PHACTR1: variants seen among roughly 807,000 people sequenced by gnomAD.
The protein encoded by PHACTR1 is phosphatase and actin regulator 1, also known as RPEL repeat containing 1.
Under a neutral mutation model 69.2 loss-of-function variants are expected in PHACTR1, and 16 were observed. The ratio of observed to expected loss-of-function variants is 0.23; its 90% CI spans 0.16 to 0.35. The LOEUF (loss-of-function observed/expected upper bound fraction) is 0.35, where lower values mean the gene tolerates loss of function less well. Ranked by LOEUF, PHACTR1 falls within the 10% of genes least tolerant of loss-of-function variation. The pLI is 1.00. For missense variants in PHACTR1, 510 were observed against 734.7 expected, an observed-to-expected ratio of 0.69 and a Z score of 3.54; for synonymous variants, 312 against 284.5, an observed-to-expected ratio of 1.10 and a Z score of -0.97.
chr6:13,149,753 G>C (rs539543173), intron 5 of PHACTR1, among the ~76,000 whole-genome samples: 1 of 152,100 alleles, frequency 6.6e-6, no homozygotes, highest in East Asian at 1.9e-4. Context: ...TGGGCCACAT[G>C]CAGCCCAAGA....
intron 6 of PHACTR1, among the ~76,000 whole-genome samples, chr6:13,164,209 TATC>T (rs1583665475): frequency 6.6e-6 from 1 of 152,180 alleles, no homozygotes; most frequent in Non-Finnish European, 1.5e-5. Context: ...CTTTCTATAA[TATC>T]ATTCTTTTTC....
intron 5 of PHACTR1, among the ~76,000 whole-genome samples, chr6:13,060,556 T>A (rs1238087048): frequency 6.6e-6 from 1 of 152,116 alleles, no homozygotes; most frequent in East Asian, 1.9e-4. Flanking sequence ...GTAGGTGGGT[T>A]ACAAGGCACA....
rs149537566 is a variant in PHACTR1 at position 12,875,981 on chromosome 6, C to G, written c.250+126191C>G. Among the ~76,000 whole-genome samples the G allele has an allele frequency of 5.0e-3, 755 of 152,240 alleles. 2 individuals carry two copies. Among genetic ancestry groups the G allele is most frequent in the African/African-American group, 0.017 (723 of 41,548 alleles). ...AATAAAGCTAAGGAGGTTAGGAACA[C>G]GAATGGGAAGATGGGGACACTATAA... is the stretch of plus-strand genomic sequence containing the variant. On this transcript the variant is annotated intron_variant, in intron 4 of 14. Coordinates refer to ENST00000332995, the MANE Select transcript of PHACTR1 (RefSeq NM_030948.6).
intron 4 of PHACTR1, among the ~76,000 whole-genome samples, chr6:13,025,693 GTGTGTGTGTGTGTGTGTC>G (rs1304552054): frequency 6.6e-6 from 1 of 151,786 alleles, no homozygotes; most frequent in Non-Finnish European, 1.5e-5. Context: ...GTGTGTGTGT[GTGTGTGTGTGTGTGTGTC>G]TGTGTGTATG....
At chr6:12,993,145 G>GT (rs1351717348) in intron 4 of PHACTR1, among the ~76,000 whole-genome samples, 6 of 152,130 alleles carry the variant, frequency 3.9e-5, no homozygotes, top group Admixed American at 6.5e-5. Flanking sequence ...TTTTCAGGCC[G>GT]TTTTTTGTTA....
intron 8 of PHACTR1, among the ~76,000 whole-genome samples, chr6:13,222,556 G>C (rs1464689901): frequency 6.6e-6 from 1 of 152,226 alleles, no homozygotes; most frequent in African/African-American, 2.4e-5. Context: ...TTCAGCGAAT[G>C]CTGCAGATTC....
At chr6:12,775,521 T>C (rs6941422) in intron 4 of PHACTR1, among the ~76,000 whole-genome samples, 67,025 of 151,976 alleles carry the variant, frequency 0.44, 15,556 homozygotes, top group African/African-American at 0.55. Context: ...AAAGGCTAAT[T>C]CTGGGGTATT....
chr6:13,094,502 AGCCAG>A (rs1160681919), intron 5 of PHACTR1, among the ~76,000 whole-genome samples: 1 of 151,728 alleles, frequency 6.6e-6, no homozygotes, highest in Non-Finnish European at 1.5e-5. Flanking sequence ...TCACCATATT[AGCCAG>A]GCGGGTCTTG....
chr6:12,916,392 C>T (rs1346130441), intron 4 of PHACTR1, among the ~76,000 whole-genome samples: 1 of 152,162 alleles, frequency 6.6e-6, no homozygotes, highest in African/African-American at 2.4e-5. Context: ...CAATTTCCAC[C>T]TCAGATGTCA....
At chr6:12,864,535 C>T (rs1463704080) in intron 4 of PHACTR1, among the ~76,000 whole-genome samples, 1 of 152,152 alleles carries the variant, frequency 6.6e-6, no homozygotes, top group Non-Finnish European at 1.5e-5. Flanking sequence ...AAAAAATTAG[C>T]CGGTCATGGT....
intron 5 of PHACTR1, among the ~76,000 whole-genome samples, chr6:13,082,197 T>C (rs571389934): frequency 5.3e-5 from 8 of 152,206 alleles, no homozygotes; most frequent in African/African-American, 1.9e-4. Flanking sequence ...CTTCCACCGT[T>C]AGGAGTGTAT....
intron 8 of PHACTR1, among the ~76,000 whole-genome samples, chr6:13,222,208 A>G (rs887256697): frequency 6.6e-6 from 1 of 152,182 alleles, no homozygotes; most frequent in African/African-American, 2.4e-5. Context: ...AATGCCAAAG[A>G]ATGTTGATGT....
chr6:13,198,568 G>T (rs1764747891), intron 7 of PHACTR1, among the ~76,000 whole-genome samples: 1 of 150,660 alleles, frequency 6.6e-6, no homozygotes, highest in South Asian at 2.1e-4. Flanking sequence ...GGAAGAAGAA[G>T]AATTGTCTTG....
At chr6:12,803,782 C>G (rs1773976607) in intron 4 of PHACTR1, among the ~76,000 whole-genome samples, 1 of 152,174 alleles carries the variant, frequency 6.6e-6, no homozygotes, top group South Asian at 2.1e-4. Flanking sequence ...TCTCTGGCCT[C>G]TACAGACCAG....
chr6:12,828,506 G>A lies in PHACTR1; in HGVS notation c.250+78716G>A, dbSNP rs954238259. On this transcript the variant is annotated intron_variant, in intron 4 of 14. Transcript: ENST00000332995. ...TCTATTCTTTTTGTTTCTTTTATTC[G>A]TAATATTGGGTGACTTGTAGTATTT... 3.9e-5 allele frequency among the ~76,000 whole-genome samples: 6 copies of A among 151,940 alleles called. No individual in the cohort carries two copies. The South Asian group carries it at 6.2e-4, about 16-fold the overall frequency.
chr6:13,143,638 C>G (rs192340796), intron 5 of PHACTR1, among the ~76,000 whole-genome samples: 1 of 151,994 alleles, frequency 6.6e-6, no homozygotes, highest in East Asian at 1.9e-4. Flanking sequence ...CCCTGGTGCT[C>G]AAACACTTGA....
intron 4 of PHACTR1, among the ~76,000 whole-genome samples, chr6:12,861,489 A>C (rs1215625295): frequency 1.3e-5 from 2 of 152,346 alleles, no homozygotes; most frequent in African/African-American, 4.8e-5. Context: ...TGCTGAATTG[A>C]AAAGAGGAAA....
At chr6:13,196,199 A>G (rs1048598970) in intron 7 of PHACTR1, among the ~76,000 whole-genome samples, 1 of 152,194 alleles carries the variant, frequency 6.6e-6, no homozygotes, top group Non-Finnish European at 1.5e-5. Flanking sequence ...CAATTAATAA[A>G]TATCATGCAT....
chr6:12,947,151 T>G (rs888615869), intron 4 of PHACTR1, among the ~76,000 whole-genome samples: 3 of 152,028 alleles, frequency 2.0e-5, no homozygotes, highest in African/African-American at 7.2e-5. Context: ...ATCATTAATA[T>G]AATTTTGTAA....
Sources: gnomAD v4.1 joint callset for allele counts (sites outside exome capture counted in the v4.1 genomes callset) on GRCh38, gnomAD v4.1.1 for gene constraint, MANE v1.5 for transcripts, NCBI Gene and HGNC (gene_info 2026-07-23, HGNC 2026-07-21) for gene names.